The following RHOT1 variants were observed in gnomAD, a reference collection of about 807,000 sequenced individuals.
RHOT1 encodes mitochondrial Rho GTPase 1.
A neutral mutation model predicts 95.3 loss-of-function variants in RHOT1; 27 were observed. The ratio of observed to expected loss-of-function variants is 0.28; its 90% CI spans 0.21 to 0.39. The LOEUF (loss-of-function observed/expected upper bound fraction) is 0.39. Among genes scored for constraint, RHOT1 ranks in the 10% least tolerant of loss-of-function variants. The pLI is 1.00. For synonymous variants in RHOT1, 227 were observed against 263.5 expected (o/e 0.86, Z 1.34); for missense variants, 578 against 786.7 (o/e 0.73, Z 3.17).
intron 1 of RHOT1, among the ~76,000 whole-genome samples, chr17:32,149,613 A>G (rs1486455440): frequency 0.042 from 3,420 of 81,962 alleles, 280 homozygotes; most frequent in African/African-American, 0.24. Flanking sequence ...ATATATATAT[A>G]TATATATATA....
intron 8 of RHOT1, among the ~76,000 whole-genome samples, chr17:32,188,293 C>A (rs952755104): frequency 6.6e-6 from 1 of 152,208 alleles, no homozygotes; most frequent in Non-Finnish European, 1.5e-5. Flanking sequence ...GACCTTGATG[C>A]AAATGCAAAG....
intron 1 of RHOT1, among the ~76,000 whole-genome samples, chr17:32,157,497 C>T (rs952211481): frequency 1.3e-5 from 2 of 152,178 alleles, no homozygotes; most frequent in African/African-American, 4.8e-5. Context: ...CTAGATATTA[C>T]ACAAATGAAT....
rs1465998559 is a variant in RHOT1 at position 32,194,232 on chromosome 17, A to C, written c.869+125A>C. On this transcript the variant is annotated intron_variant, in intron 11 of 19. Coordinates refer to ENST00000545287, the MANE Select transcript of RHOT1 (RefSeq NM_001033566.3). Reference sequence around the variant, plus strand: ...GTGATCCTCCCACCTTGGCCTCCCAAATTGCTGTGATTAAAGGCATTGAGC... The same window carrying C: ...GTGATCCTCCCACCTTGGCCTCCCACATTGCTGTGATTAAAGGCATTGAGC... The C allele has an allele frequency of 1.6e-5, 15 of 921,614 alleles. No homozygotes were observed. In the South Asian group the frequency reaches 2.3e-4, roughly 14 times the overall value. The allele number at this position is 921,614 out of a possible 1,614,324, so 57.1% of individuals were successfully genotyped here.
intron 1 of RHOT1, among the ~76,000 whole-genome samples, chr17:32,168,207 T>G (rs942903784): frequency 2.0e-5 from 3 of 152,140 alleles, no homozygotes; most frequent in Non-Finnish European, 4.4e-5. Flanking sequence ...GAGATTATTT[T>G]CGTGCCTGCT....
chr17:32,149,780 A>T (rs1448260210), intron 1 of RHOT1, among the ~76,000 whole-genome samples: 1 of 150,842 alleles, frequency 6.6e-6, no homozygotes, highest in Admixed American at 6.6e-5. Context: ...AGAGAGTCTC[A>T]CTCTGTTGCC....
At chr17:32,189,601 G>A (rs1014817727) in intron 8 of RHOT1, among the ~76,000 whole-genome samples, 74 of 152,062 alleles carry the variant, frequency 4.9e-4, no homozygotes, top group African/African-American at 1.6e-3. Flanking sequence ...CTGTTACTCA[G>A]TTCTTAGGTG....
At chr17:32,182,904 G>T in intron 7 of RHOT1, 39 bp downstream of exon 7, 1 of 1,284,182 alleles carries the variant, frequency 7.8e-7, no homozygotes, top group South Asian at 1.3e-5. Flanking sequence ...TATTTTTAAT[G>T]AATTCTTACT....
chr17:32,195,572 A>G (rs891593641), intron 11 of RHOT1, among the ~76,000 whole-genome samples: 2 of 152,198 alleles, frequency 1.3e-5, no homozygotes, highest in African/African-American at 4.8e-5. Context: ...ATCTGGCCTC[A>G]GAGTTTTCAA....
At chr17:32,190,307 T>A (rs187789949) in intron 8 of RHOT1, among the ~76,000 whole-genome samples, 15 of 152,112 alleles carry the variant, frequency 9.9e-5, no homozygotes, top group Admixed American at 2.6e-4. Flanking sequence ...TGTGAAAAAT[T>A]AGCTGGGCAT....
intron 19 of RHOT1, among the ~76,000 whole-genome samples, chr17:32,222,568 G>A (rs1375511892): frequency 4.0e-5 from 6 of 151,886 alleles, no homozygotes; most frequent in Non-Finnish European, 1.5e-5. Context: ...AGTACATACA[G>A]ATAGATTTTT....
intron 8 of RHOT1, among the ~76,000 whole-genome samples, chr17:32,186,364 A>G (rs1451209025): frequency 3.1e-5 from 4 of 128,220 alleles, no homozygotes; most frequent in Non-Finnish European, 6.8e-5. Context: ...GTCCTTTCCC[A>G]TTTTTTTTTT....
chr17:32,183,095 T>G, intron 7 of RHOT1, 76 bp from the exon 8 acceptor site: 1 of 1,214,338 alleles, frequency 8.2e-7, no homozygotes. Flanking sequence ...ATCTTTTTTT[T>G]GCCTTATGTT....
chr17:32,175,014 G>A (rs532272711), intron 3 of RHOT1, among the ~76,000 whole-genome samples: 2 of 152,286 alleles, frequency 1.3e-5, no homozygotes, highest in Admixed American at 6.5e-5. Context: ...TCAGCACCCA[G>A]TCTGCTAGCT....
At chr17:32,219,727 T>G (rs1328134410) in intron 19 of RHOT1, among the ~76,000 whole-genome samples, 1 of 152,216 alleles carries the variant, frequency 6.6e-6, no homozygotes, top group Non-Finnish European at 1.5e-5. Context: ...TAATGGGCCT[T>G]CAGCACTTCT....
intron 8 of RHOT1, among the ~76,000 whole-genome samples, chr17:32,187,583 T>TTTTA (rs1417618127): frequency 5.9e-5 from 9 of 152,276 alleles, no homozygotes; most frequent in East Asian, 5.8e-4. Flanking sequence ...CATTTTATAT[T>TTTTA]TTTATTTATT....
At chr17:32,150,271 G>C (rs2032122088) in intron 1 of RHOT1, among the ~76,000 whole-genome samples, 1 of 151,930 alleles carries the variant, frequency 6.6e-6, no homozygotes, top group African/African-American at 2.4e-5. Flanking sequence ...ACACAAAAAT[G>C]ATACTGATGA....
At chr17:32,207,911 A>T (rs1005950987) in intron 17 of RHOT1, among the ~76,000 whole-genome samples, 196 bp from the exon 18 acceptor site, 1 of 152,194 alleles carries the variant, frequency 6.6e-6, no homozygotes, top group African/African-American at 2.4e-5. Flanking sequence ...TGTCATCAGC[A>T]TTGGAAAAGT....
intron 10 of RHOT1, 38 bp downstream of exon 10, chr17:32,193,282 T>C: frequency 7.2e-7 from 1 of 1,395,270 alleles, no homozygotes; most frequent in Non-Finnish European, 1.0e-6. Flanking sequence ...TGAAACTTAA[T>C]ATTTTCAAAA....
intron 1 of RHOT1, among the ~76,000 whole-genome samples, chr17:32,156,686 C>A (rs1383918094): frequency 6.6e-6 from 1 of 152,260 alleles, no homozygotes; most frequent in Non-Finnish European, 1.5e-5. Flanking sequence ...CCTATCCCCA[C>A]CTTTTCTTTT....
Sources: gnomAD v4.1 joint callset for allele counts (sites outside exome capture counted in the v4.1 genomes callset) on GRCh38, gnomAD v4.1.1 for gene constraint, MANE v1.5 for transcripts, NCBI Gene and HGNC (gene_info 2026-07-23, HGNC 2026-07-21) for gene names.